Variants in OVGP1 observed in about 807,000 individuals in gnomAD.
The protein encoded by OVGP1 is oviduct-specific glycoprotein.
A neutral mutation model predicts 48.2 loss-of-function variants in OVGP1; 26 were observed. That is an observed-to-expected ratio of 0.54 (90% CI 0.40 to 0.75). The LOEUF (loss-of-function observed/expected upper bound fraction) is 0.75. OVGP1 is among the 30% of genes least tolerant of loss of function. The pLI, the probability that OVGP1 is intolerant of heterozygous loss-of-function variation, is 0.00. For missense variants in OVGP1, 791 were observed against 820.6 expected, an observed-to-expected ratio of 0.96 and a Z score of 0.44; for synonymous variants, 294 against 305.7, an observed-to-expected ratio of 0.96 and a Z score of 0.40.
At chr1:111,427,294 T>A (rs914890116) in intron 1 of OVGP1, 18 of 985,274 alleles carry the variant, frequency 1.8e-5, no homozygotes, top group Non-Finnish European at 2.2e-5. Flanking sequence ...AAGTTCCTTT[T>A]CTTTTTGATA....
intron 1 of OVGP1, 162 bp downstream of exon 1, chr1:111,427,535 G>T: frequency 1.9e-6 from 1 of 519,156 alleles, no homozygotes; most frequent in Non-Finnish European, 2.5e-6. Context: ...TTCTCCCTGG[G>T]TCCCTCTGAC....
At chr1:111,426,286 T>C (rs1652395078) in intron 3 of OVGP1, 151 bp downstream of exon 3, 2 of 992,246 alleles carry the variant, frequency 2.0e-6, no homozygotes, top group African/African-American at 3.3e-5. Context: ...TGACAAGGAG[T>C]TCTCAAGTTG....
intron 9 of OVGP1, among the ~76,000 whole-genome samples, chr1:111,418,834 T>C (rs1652193737): frequency 6.6e-6 from 1 of 152,174 alleles, no homozygotes; most frequent in Admixed American, 6.5e-5. Flanking sequence ...GGAACCATGA[T>C]TTCTACATGT....
chr1:111,421,529 G>C (rs1029343253), intron 7 of OVGP1, 36 bp downstream of exon 7: 1 of 1,605,122 alleles, frequency 6.2e-7, no homozygotes, highest in Non-Finnish European at 8.5e-7. Context: ...CAGGGGGGCA[G>C]ATGTCTGGAC....
intron 3 of OVGP1, 156 bp from the exon 4 acceptor site, chr1:111,425,595 T>C: frequency 7.4e-7 from 1 of 1,353,288 alleles, no homozygotes; most frequent in Non-Finnish European, 1.0e-6. Flanking sequence ...AGGAGAGAGA[T>C]GATGAGCACA....
intron 9 of OVGP1, among the ~76,000 whole-genome samples, chr1:111,417,458 C>T (rs1461061607): frequency 6.6e-6 from 1 of 152,232 alleles, no homozygotes; most frequent in South Asian, 2.1e-4. Context: ...GTCCAAATAG[C>T]TGTGTGCCTT....
Position 111,425,442 on chromosome 1 carries a change from A to G in OVGP1, c.261-3T>C, listed in dbSNP as rs1429624224. On this transcript the variant is annotated splice_polypyrimidine_tract_variant and splice_region_variant and intron_variant, in intron 3 of 10. Transcript: ENST00000369732. Reference sequence around the variant, plus strand: ...GTAGTGTTTTCAGCTCTCTGTTCCTATGATGTGAGAGAGAGGGTTGATGAG... The same window carrying G: ...GTAGTGTTTTCAGCTCTCTGTTCCTGTGATGTGAGAGAGAGGGTTGATGAG... 1 of 1,613,972 alleles carries G rather than the reference A, an allele frequency of 6.2e-7. No homozygotes were observed. The highest frequency in any genetic ancestry group is 1.3e-5 in the African/African-American group (1 of 74,928).
Position 111,424,693 on chromosome 1 carries a change from C to G in OVGP1, c.317+690G>C, listed in dbSNP as rs1035304154. ...CTGGGCAGAGCTAGTTCTCACCCCC[C>G]TGCCCTGAATCTTTCCTCCATCTTG... is the stretch of plus-strand genomic sequence containing the variant. On this transcript the variant is annotated intron_variant, in intron 4 of 10. Transcript: ENST00000369732. Among the ~76,000 whole-genome samples the G allele has an allele frequency of 2.6e-5, 4 of 152,240 alleles. No individual in the cohort carries two copies. In the East Asian group the frequency reaches 5.8e-4, roughly 22 times the overall value.
intron 4 of OVGP1, among the ~76,000 whole-genome samples, chr1:111,424,358 G>A (rs541046523): frequency 1.1e-4 from 17 of 152,146 alleles, no homozygotes; most frequent in African/African-American, 3.9e-4. Flanking sequence ...TAACTTATTG[G>A]ACCTGAACTT....
intron 4 of OVGP1, among the ~76,000 whole-genome samples, chr1:111,424,320 C>A (rs1434713322): frequency 6.6e-6 from 1 of 152,174 alleles, no homozygotes; most frequent in Non-Finnish European, 1.5e-5. Context: ...GTTTTCTCTT[C>A]CGTAGTGATG....
In OVGP1 at chr1:111,423,068, A is replaced by C. The variant is rs1557784202; in HGVS notation, c.484-17T>G. 1 of 1,613,712 alleles carries C rather than the reference A, an allele frequency of 6.2e-7. No homozygotes were observed. On this transcript the variant is annotated splice_polypyrimidine_tract_variant and intron_variant, in intron 5 of 10. Coordinates refer to ENST00000369732, the MANE Select transcript of OVGP1 (RefSeq NM_002557.4). ...CAGGAGCTCCTAAGAGGAAAGACAG[A>C]AAGACACAGAGAACTGGACAAACAG...
intron 3 of OVGP1, 162 bp from the exon 4 acceptor site, chr1:111,425,601 G>T: frequency 7.7e-7 from 1 of 1,297,326 alleles, no homozygotes. Context: ...GAGATGATGA[G>T]CACAGGAGAG....
At position 111,415,208 on chromosome 1, in the gene OVGP1, C is replaced by A. The variant is rs760068888; in HGVS notation, c.1293G>T (p.Gly431=). 6.2e-7 allele frequency: 1 copy of A among 1,614,164 alleles called. No homozygotes were observed. The highest frequency in any genetic ancestry group is 8.5e-7 in the Non-Finnish European group (1 of 1,180,028). Residue 431 remains glycine (G), a synonymous_variant, in exon 11 of 11, where the codon GGG becomes GGT. Coordinates refer to ENST00000369732, the MANE Select transcript of OVGP1 (RefSeq NM_002557.4). ...SKILPPGGEA[G]VTEIHGKCEN... Reference sequence around the variant, plus strand: ...CACACTTTCCGTGGATCTCAGTGACCCCAGCCTCTCCTCCTGGGGGCAAAA... The same window carrying A: ...CACACTTTCCGTGGATCTCAGTGACACCAGCCTCTCCTCCTGGGGGCAAAA...
chr1:111,414,838 C>A lies in OVGP1; in HGVS notation c.1663G>T (p.Glu555Ter). Residue 555 changes from glutamate (E) to a stop codon, truncating the protein, a stop_gained, in exon 11 of 11, where the codon GAG (glutamate) becomes TAG (stop). Transcript: ENST00000369732. LOFTEE classifies it low-confidence loss of function (END_TRUNC). ...GCCACTGTATTCTGTCTAAGGGTCT[C>A]AGTCTGAAAATGGACAGGGGTCATA... ...TTMTPVHFQT[E>*]TLRQNTVAPR... 1.0e-5 allele frequency: 16 copies of A among 1,593,818 alleles called. No homozygotes were observed. Among genetic ancestry groups the A allele is most frequent in the Non-Finnish European group, 1.4e-5 (16 of 1,166,584 alleles).
At chr1:111,425,316 T>G in intron 4 of OVGP1, 67 bp downstream of exon 4, 1 of 1,593,784 alleles carries the variant, frequency 6.3e-7, no homozygotes, top group South Asian at 1.1e-5. Flanking sequence ...GCCTTCCCCC[T>G]CTGTCTTCAC....
Position 111,415,002 on chromosome 1 carries a change from T to G in OVGP1, c.1499A>C (p.Gln500Pro). 6.2e-7 allele frequency: 1 copy of G among 1,610,582 alleles called. No individual in the cohort carries two copies. ...GGTCTTCTGTCCAGTGGTCACAGAT[T>G]GATGACCCACAGGGGTCAGGGCCTT... ...GEKALTPVGH[Q>P]SVTTGQKTLT... is the part of the protein sequence containing the mutation. The change falls in exon 11 of 11, where the codon CAA becomes CCA. Residue 500 changes from glutamine to proline, a missense_variant. By Grantham distance (76) the Gln-to-Pro change is moderately conservative. Coordinates refer to ENST00000369732, the MANE Select transcript of OVGP1 (RefSeq NM_002557.4).
intron 4 of OVGP1, among the ~76,000 whole-genome samples, chr1:111,423,926 G>T (rs1652336096): frequency 6.6e-6 from 1 of 152,216 alleles, no homozygotes; most frequent in South Asian, 2.1e-4. Flanking sequence ...AAAAGAAGTT[G>T]AAAACCATGT....
At chr1:111,422,830 T>G (rs1652302524) in intron 6 of OVGP1, 97 bp downstream of exon 6, 3 of 1,446,210 alleles carry the variant, frequency 2.1e-6, no homozygotes, top group Non-Finnish European at 2.9e-6. Flanking sequence ...AGGCACACGG[T>G]GAGCTCAAAA....
intron 8 of OVGP1, among the ~76,000 whole-genome samples, chr1:111,420,044 T>C (rs2101725101): frequency 6.6e-6 from 1 of 152,288 alleles, no homozygotes; most frequent in African/African-American, 2.4e-5. Flanking sequence ...ACATGATCCT[T>C]GACCAAATCT....
Sources: allele counts gnomAD v4.1 joint callset (sites outside exome capture counted in the v4.1 genomes callset), GRCh38; gene constraint gnomAD v4.1.1; transcripts MANE v1.5; gene names NCBI Gene and HGNC (gene_info 2026-07-23, HGNC 2026-07-21).